The following PTPRM variants were observed in gnomAD, a reference collection of about 807,000 sequenced individuals.
PTPRM encodes the protein protein tyrosine phosphatase receptor type M, also known as receptor-type tyrosine-protein phosphatase mu.
Under a neutral mutation model 186.7 loss-of-function variants are expected in PTPRM, and 47 were observed. That is an observed-to-expected ratio of 0.25 (90% CI 0.20 to 0.32). PTPRM has a LOEUF of 0.32. PTPRM is among the 10% of genes least tolerant of loss of function. The probability of loss-of-function intolerance (pLI) is 1.00; values close to 1 mark genes in which losing one functional copy is unlikely to be tolerated. For synonymous variants in PTPRM, 668 were observed against 674.9 expected, an observed-to-expected ratio of 0.99 and a Z score of 0.16; for missense variants, 1,494 against 1,865.0, an observed-to-expected ratio of 0.80 and a Z score of 3.66.
intron 7 of PTPRM, among the ~76,000 whole-genome samples, chr18:8,040,238 GC>G (rs1208097165): frequency 6.6e-6 from 1 of 152,122 alleles, no homozygotes. Context: ...CTTGTTATGT[GC>G]AGCCAAGCAT....
At chr18:8,044,772 A>AG (rs1381187027) in intron 7 of PTPRM, among the ~76,000 whole-genome samples, 1 of 151,378 alleles carries the variant, frequency 6.6e-6, no homozygotes, top group Non-Finnish European at 1.5e-5. Flanking sequence ...AAAAAAAAAA[A>AG]AGAAAAAACA....
intron 1 of PTPRM, among the ~76,000 whole-genome samples, chr18:7,746,462 C>CT (rs572680953): frequency 2.0e-4 from 30 of 148,888 alleles, no homozygotes; most frequent in South Asian, 1.3e-3. Flanking sequence ...CTAGTAAATT[C>CT]TTTTTTTTTT....
At chr18:7,839,336 G>T (rs749509143) in intron 2 of PTPRM, among the ~76,000 whole-genome samples, 15 of 152,188 alleles carry the variant, frequency 9.9e-5, no homozygotes, top group Non-Finnish European at 2.1e-4. Context: ...GGCTCACCAA[G>T]GCCCTTGACA....
intron 7 of PTPRM, among the ~76,000 whole-genome samples, chr18:8,049,864 G>A (rs897289443): frequency 3.3e-5 from 5 of 151,704 alleles, no homozygotes; most frequent in African/African-American, 1.2e-4. Flanking sequence ...GGCACACACC[G>A]CCACACCCAG....
At chr18:8,354,199 T>G (rs1185146759) in intron 23 of PTPRM, among the ~76,000 whole-genome samples, 10 of 125,870 alleles carry the variant, frequency 7.9e-5, no homozygotes, top group South Asian at 2.7e-4. Flanking sequence ...GGTGACAGAG[T>G]GAGATTCCGT....
At chr18:7,959,671 A>G (rs761926795) in intron 7 of PTPRM, among the ~76,000 whole-genome samples, 1 of 152,226 alleles carries the variant, frequency 6.6e-6, no homozygotes, top group Non-Finnish European at 1.5e-5. Context: ...CCAATCACAT[A>G]GCTTCCCTGA....
At chr18:7,931,865 A>C (rs982185665) in intron 5 of PTPRM, among the ~76,000 whole-genome samples, 1 of 152,166 alleles carries the variant, frequency 6.6e-6, no homozygotes, top group Non-Finnish European at 1.5e-5. Context: ...CTTTCTATTT[A>C]TAATACTTTC....
intron 13 of PTPRM, among the ~76,000 whole-genome samples, chr18:8,124,638 A>G (rs2092281714): frequency 1.3e-5 from 2 of 152,222 alleles, no homozygotes; most frequent in East Asian, 3.8e-4. Context: ...AAGAAAAGAC[A>G]GCAGTTTTAT....
At chr18:7,608,623 A>G (rs565986146) in intron 1 of PTPRM, among the ~76,000 whole-genome samples, 1 of 151,602 alleles carries the variant, frequency 6.6e-6, no homozygotes, top group South Asian at 2.1e-4. Flanking sequence ...TTTCCTTTGG[A>G]TTTTTCATTT....
intron 1 of PTPRM, among the ~76,000 whole-genome samples, chr18:7,638,295 A>C (rs575135938): frequency 3.3e-5 from 5 of 152,288 alleles, no homozygotes; most frequent in African/African-American, 1.2e-4. Flanking sequence ...AATAATTTCA[A>C]CTTCATGTGA....
intron 11 of PTPRM, among the ~76,000 whole-genome samples, chr18:8,097,841 G>T (rs58841319): frequency 3.3e-5 from 5 of 152,136 alleles, no homozygotes; most frequent in Non-Finnish European, 5.9e-5. Flanking sequence ...AACACACAAG[G>T]TTTGACCATC....
chr18:7,729,640 T>A (rs57210096), intron 1 of PTPRM, among the ~76,000 whole-genome samples: 4,143 of 152,314 alleles, frequency 0.027, 175 homozygotes, highest in African/African-American at 0.094. Flanking sequence ...CTTGGGGCTC[T>A]TAGTTTTACT....
In PTPRM at chr18:8,045,686, GA is replaced by G. The variant is rs200275779; in HGVS notation, c.1133-23999del. The stretch of plus-strand genomic sequence containing the variant: ...GGGTGGTGATGGTTGTGGGAAATGG[GA>G]GTGACTGCTAATGGATGTGGAATCT... On this transcript the variant is annotated intron_variant, in intron 7 of 32. Coordinates refer to ENST00000580170, the MANE Select transcript of PTPRM (RefSeq NM_001105244.2). Among the ~76,000 whole-genome samples the G allele has an allele frequency of 4.4e-3, 667 of 152,294 alleles. 3 individuals carry two copies. The highest frequency in any genetic ancestry group is 0.015 in the African/African-American group (640 of 41,572).
At chr18:7,779,280 G>C (rs2042742157) in intron 2 of PTPRM, among the ~76,000 whole-genome samples, 1 of 152,216 alleles carries the variant, frequency 6.6e-6, no homozygotes, top group Non-Finnish European at 1.5e-5. Flanking sequence ...TTTCCAGGTA[G>C]TATAGCATGG....
At chr18:7,679,886 G>C (rs1385509396) in intron 1 of PTPRM, among the ~76,000 whole-genome samples, 1 of 151,332 alleles carries the variant, frequency 6.6e-6, no homozygotes, top group Non-Finnish European at 1.5e-5. Flanking sequence ...TATTTTTTGC[G>C]ACAAGATCTC....
intron 7 of PTPRM, among the ~76,000 whole-genome samples, chr18:8,054,076 G>GT (rs2087712151): frequency 1.3e-5 from 2 of 151,690 alleles, no homozygotes; most frequent in Admixed American, 6.6e-5. Flanking sequence ...TTAAAGTGCT[G>GT]TTTTTTCTTG....
At chr18:8,378,533 C>G (rs531850882) in intron 27 of PTPRM, 119 bp downstream of exon 27, 1 of 1,249,646 alleles carries the variant, frequency 8.0e-7, no homozygotes, top group Non-Finnish European at 1.1e-6. Context: ...TAGCACTGTT[C>G]GTATTCAGGG....
intron 1 of PTPRM, among the ~76,000 whole-genome samples, chr18:7,705,035 T>C (rs2144735179): frequency 6.6e-6 from 1 of 152,204 alleles, no homozygotes; most frequent in South Asian, 2.1e-4. Flanking sequence ...GTTTAAGAGC[T>C]TGAATTTGAA....
In PTPRM at chr18:8,387,168, A is replaced by G; in HGVS notation, c.4141A>G (p.Ile1381Val). Reference sequence around the variant, plus strand: ...GTCTAAGCGCTCCTTCTTGAAGCTCATTCGCCAGGTGGACAAGTGGCAAGA... The same window carrying G: ...GTCTAAGCGCTCCTTCTTGAAGCTCGTTCGCCAGGTGGACAAGTGGCAAGA... ...PVSKRSFLKL[I>V]RQVDKWQEEY... Residue 1381 changes from isoleucine to valine, a missense_variant, in exon 31 of 33, where the codon ATT becomes GTT. Physicochemically the swap from Ile to Val is conservative, Grantham distance 29. Transcript: ENST00000580170. 3 of 1,613,694 alleles carry G rather than the reference A, an allele frequency of 1.9e-6. No individual in the cohort carries two copies. The highest frequency in any genetic ancestry group is 2.5e-6 in the Non-Finnish European group (3 of 1,179,554).
Sources: allele counts gnomAD v4.1 joint callset (sites outside exome capture counted in the v4.1 genomes callset), GRCh38; gene constraint gnomAD v4.1.1; transcripts MANE v1.5; gene names NCBI Gene and HGNC (gene_info 2026-07-23, HGNC 2026-07-21).